C4orf50: variants seen among roughly 807,000 people sequenced by gnomAD.
C4orf50 encodes the protein chromosome 4 open reading frame 50.
C4orf50 carries 80 observed loss-of-function variants against 77.2 expected under a neutral mutation model. That is an observed-to-expected ratio of 1.04 (90% CI 0.87 to 1.25). The LOEUF (loss-of-function observed/expected upper bound fraction) is 1.25, where lower values mean the gene tolerates loss of function less well. Ranked by LOEUF, C4orf50 falls within the 50% of genes most tolerant of loss-of-function variation. The pLI, the probability that C4orf50 is intolerant of heterozygous loss-of-function variation, is 0.00. For missense variants in C4orf50, 1,257 were observed against 1,152.9 expected, an observed-to-expected ratio of 1.09 and a Z score of -1.31; for synonymous variants, 532 against 465.3, an observed-to-expected ratio of 1.14 and a Z score of -1.84.
intron 7 of C4orf50, among the ~76,000 whole-genome samples, chr4:5,934,794 T>C (rs1160574458): frequency 6.6e-6 from 1 of 152,208 alleles, no homozygotes; most frequent in Non-Finnish European, 1.5e-5. Context: ...TGCCAACAGC[T>C]ATTATTGTGT....
chr4:6,016,645 A>G (rs1376082683), intron 23 of C4orf50, among the ~76,000 whole-genome samples: 2 of 152,196 alleles, frequency 1.3e-5, no homozygotes, highest in Non-Finnish European at 2.9e-5. Flanking sequence ...ACGTTCAGTG[A>G]GGACTTACTG....
chr4:5,998,390 T>C (rs1182115845), intron 25 of C4orf50, among the ~76,000 whole-genome samples: 1 of 152,256 alleles, frequency 6.6e-6, no homozygotes, highest in Non-Finnish European at 1.5e-5. Flanking sequence ...TAAAAGCTCT[T>C]GCTTGCTGCT....
intron 7 of C4orf50, among the ~76,000 whole-genome samples, chr4:5,926,047 C>T (rs984367099): frequency 6.6e-6 from 1 of 152,218 alleles, no homozygotes; most frequent in African/African-American, 2.4e-5. Flanking sequence ...ATGCGGACGA[C>T]ACGATAGCTG....
At chr4:5,944,494 G>T (rs1331069990) in intron 7 of C4orf50, among the ~76,000 whole-genome samples, 1 of 152,212 alleles carries the variant, frequency 6.6e-6, no homozygotes, top group African/African-American at 2.4e-5. Context: ...CGAGGGGGCA[G>T]CCCTCAGAGA....
chr4:5,948,957 T>C (rs1577920851), intron 7 of C4orf50, among the ~76,000 whole-genome samples: 2 of 82,092 alleles, frequency 2.4e-5, no homozygotes, highest in Admixed American at 2.2e-4. Flanking sequence ...TGAGACTCCA[T>C]CTCAAAAAAA....
intron 7 of C4orf50, among the ~76,000 whole-genome samples, chr4:5,915,517 G>T (rs1221225200): frequency 6.6e-6 from 1 of 152,208 alleles, no homozygotes; most frequent in Non-Finnish European, 1.5e-5. Context: ...GTATGCTGGA[G>T]GTTTGCCTTT....
intron 31 of C4orf50, among the ~76,000 whole-genome samples, chr4:5,972,505 T>A (rs770059195): frequency 6.6e-6 from 1 of 151,944 alleles, no homozygotes; most frequent in Non-Finnish European, 1.5e-5. Context: ...ATGAATTGAG[T>A]CAAAAAATGG....
intron 28 of C4orf50, among the ~76,000 whole-genome samples, chr4:5,982,806 T>G (rs1438703336): frequency 6.6e-6 from 1 of 152,120 alleles, no homozygotes; most frequent in East Asian, 1.9e-4. Context: ...GGAAGCTTTC[T>G]GGAGGAGAGG....
In C4orf50 at chr4:6,016,674, C is replaced by T. The variant is rs543036637; in HGVS notation, c.287+1471G>A. 7.2e-5 allele frequency among the ~76,000 whole-genome samples: 11 copies of T among 152,184 alleles called. No individual in the cohort carries two copies. The South Asian group carries it at 2.3e-3, about 32-fold the overall frequency. ...CTTACTGTGCTTTGTCATGGCAACC[C>T]AGGCAAACTAACATAACTTTGTATA... On this transcript the variant is annotated intron_variant, in intron 23 of 33. Transcript: ENST00000531445.
chr4:6,004,834 TGTGATG>T (rs906518707), intron 25 of C4orf50, among the ~76,000 whole-genome samples: 7 of 113,980 alleles, frequency 6.1e-5, no homozygotes, highest in South Asian at 6.2e-4. Context: ...ATAGTGATGA[TGTGATG>T]GTGATGGTGA....
chr4:5,980,180 C>T, exon 29 of C4orf50: 1 of 1,597,236 alleles, frequency 6.3e-7, no homozygotes, highest in South Asian at 1.1e-5. Context: ...ACACCTTGGC[C>T]TGGAGCTCCT....
rs1716888949 is a variant in C4orf50 at position 5,913,263 on chromosome 4, C to T, written c.*2475-15075G>A. On this transcript the variant is annotated intron_variant, in intron 7 of 7. Transcript: ENST00000324058. ...CTCAGAGGCCTTAGCAATGGCAGAG[C>T]TGGCATCTGATCCTGGGAAACTACT... Among the ~76,000 whole-genome samples, 3 of 152,162 alleles carry T rather than the reference C, an allele frequency of 2.0e-5. No individual in the cohort carries two copies. The South Asian group carries it at 6.2e-4, about 32-fold the overall frequency.
At chr4:5,959,454 A>G (rs371224607) in exon 34 of C4orf50, 1 of 1,614,216 alleles carries the variant, frequency 6.2e-7, no homozygotes, top group Non-Finnish European at 8.5e-7. Flanking sequence ...GTGAAAAGCC[A>G]GGATCCTTGC....
At chr4:5,994,867 C>T (rs1721494763) in intron 25 of C4orf50, among the ~76,000 whole-genome samples, 1 of 152,154 alleles carries the variant, frequency 6.6e-6, no homozygotes, top group African/African-American at 2.4e-5. Flanking sequence ...GCAGGCATTA[C>T]CGCCTGAGCT....
At chr4:5,981,486 C>T (rs572333484) in intron 28 of C4orf50, among the ~76,000 whole-genome samples, 39 of 149,714 alleles carry the variant, frequency 2.6e-4, no homozygotes, top group Non-Finnish European at 4.4e-4. Flanking sequence ...CTCACCGCAA[C>T]CTCCGCCTCC....
At chr4:5,985,647 G>A (rs1385085562) in intron 28 of C4orf50, among the ~76,000 whole-genome samples, 2 of 151,972 alleles carry the variant, frequency 1.3e-5, no homozygotes, top group Non-Finnish European at 2.9e-5. Context: ...CAGAACAGAT[G>A]AGACAAATAG....
At chr4:5,988,765 C>A in exon 28 of C4orf50, 2 of 1,536,114 alleles carry the variant, frequency 1.3e-6, no homozygotes, top group Admixed American at 2.0e-5. Context: ...ATGGACCCTG[C>A]GTAGAAGGTG....
At position 5,919,125 on chromosome 4, in the gene C4orf50, G is replaced by A. The variant is rs757930490; in HGVS notation, c.*2475-20937C>T. 2.6e-5 allele frequency among the ~76,000 whole-genome samples: 4 copies of A among 152,294 alleles called. No individual in the cohort carries two copies. Among genetic ancestry groups the A allele is most frequent in the African/African-American group, 7.2e-5 (3 of 41,580 alleles). On this transcript the variant is annotated intron_variant, in intron 7 of 7. Coordinates refer to the C4orf50 transcript ENST00000324058. The surrounding 1 kb of genome is among the most constrained non-coding windows in gnomAD (Gnocchi z 6.5). ...CCCAGGTGGGACATTGCTAGTGAGC[G>A]GTAGCGGGGAATGCTGGGGTGTGGG...
At chr4:5,997,096 A>T (rs1234081712) in intron 25 of C4orf50, among the ~76,000 whole-genome samples, 5 of 152,248 alleles carry the variant, frequency 3.3e-5, no homozygotes, top group Non-Finnish European at 7.3e-5. Flanking sequence ...TCAAAGTGAA[A>T]GCAGGAAGAG....
Sources: gnomAD v4.1 joint callset for allele counts (sites outside exome capture counted in the v4.1 genomes callset) on GRCh38, gnomAD v4.1.1 for gene constraint, Gnocchi (gnomAD v3.1) non-coding constraint, MANE v1.5 for transcripts, NCBI Gene and HGNC (gene_info 2026-07-23, HGNC 2026-07-21) for gene names.